SUPT3H: variants seen among roughly 807,000 people sequenced by gnomAD.
SUPT3H encodes the protein SPT3 homolog, SAGA and STAGA complex component, also known as transcription initiation protein SPT3 homolog.
Under a neutral mutation model 44.3 loss-of-function variants are expected in SUPT3H, and 44 were observed. That is an observed-to-expected ratio of 0.99 (90% CI 0.78 to 1.28). SUPT3H has a LOEUF of 1.28. SUPT3H is among the 50% of genes most tolerant of loss of function. The pLI is 0.00. For synonymous variants in SUPT3H, 124 were observed against 125.6 expected, an observed-to-expected ratio of 0.99 and a Z score of 0.09; for missense variants, 380 against 387.1, an observed-to-expected ratio of 0.98 and a Z score of 0.15.
chr6:44,886,049 G>C (rs1762226104), intron 10 of SUPT3H, among the ~76,000 whole-genome samples: 1 of 152,162 alleles, frequency 6.6e-6, no homozygotes, highest in South Asian at 2.1e-4. Flanking sequence ...AATGAAGTGA[G>C]AAGGGAAGTT....
chr6:45,216,551 CAAG>C (rs1265322504), intron 2 of SUPT3H, among the ~76,000 whole-genome samples: 1 of 152,050 alleles, frequency 6.6e-6, no homozygotes, highest in Non-Finnish European at 1.5e-5. Context: ...ACACTACCTA[CAAG>C]AAGCTCACTT....
At chr6:45,360,623 A>C (rs949456467) in intron 2 of SUPT3H, among the ~76,000 whole-genome samples, 1 of 152,200 alleles carries the variant, frequency 6.6e-6, no homozygotes, top group Non-Finnish European at 1.5e-5. Context: ...AAATGATACC[A>C]TTTCACATAT....
Position 45,027,495 on chromosome 6 carries a change from G to C in SUPT3H, c.187-6863C>G, listed in dbSNP as rs180895126. 1.3e-3 allele frequency among the ~76,000 whole-genome samples: 201 copies of C among 151,898 alleles called. 2 individuals carry two copies. The Middle Eastern group carries it at 0.024, about 18-fold the overall frequency. On this transcript the variant is annotated intron_variant, in intron 3 of 10. Transcript: ENST00000371459. Reference sequence around the variant, plus strand: ...CAGTCTCCATTGACTATTTTTTCTTGGCTTTGGGTCATGTTTTCCTGTTAT... The same window carrying C: ...CAGTCTCCATTGACTATTTTTTCTTCGCTTTGGGTCATGTTTTCCTGTTAT...
intron 2 of SUPT3H, among the ~76,000 whole-genome samples, chr6:45,177,532 A>G (rs1812199991): frequency 6.6e-6 from 1 of 152,188 alleles, no homozygotes; most frequent in South Asian, 2.1e-4. Flanking sequence ...CAATCTAGCA[A>G]GGCAGGCCAA....
intron 2 of SUPT3H, among the ~76,000 whole-genome samples, chr6:45,278,201 G>A (rs1439288476): frequency 6.6e-6 from 1 of 152,060 alleles, no homozygotes; most frequent in African/African-American, 2.4e-5. Context: ...TAGATGACGA[G>A]TTGATGGGTG....
At chr6:45,050,604 A>G (rs1790128664) in intron 3 of SUPT3H, among the ~76,000 whole-genome samples, 1 of 152,182 alleles carries the variant, frequency 6.6e-6, no homozygotes, top group African/African-American at 2.4e-5. Context: ...AGTAGAAAAT[A>G]AACCATGCCA....
intron 9 of SUPT3H, among the ~76,000 whole-genome samples, chr6:44,941,192 TTTCTC>T (rs1283212548): frequency 6.6e-6 from 1 of 152,168 alleles, no homozygotes; most frequent in Non-Finnish European, 1.5e-5. Context: ...ATTTGATTCA[TTTCTC>T]TTCCTTCTTT....
At chr6:44,940,225 C>G (rs1035914145) in intron 9 of SUPT3H, among the ~76,000 whole-genome samples, 1 of 151,982 alleles carries the variant, frequency 6.6e-6, no homozygotes, top group African/African-American at 2.4e-5. Context: ...CTGTATACCA[C>G]AGGTTTCAGT....
intron 2 of SUPT3H, among the ~76,000 whole-genome samples, chr6:45,239,616 T>C (rs529721370): frequency 1.8e-3 from 280 of 152,362 alleles, no homozygotes; most frequent in African/African-American, 6.6e-3. Flanking sequence ...TTTCTCACTT[T>C]GGGCTACATG....
At chr6:44,830,456 C>G (rs913013211) in intron 10 of SUPT3H, among the ~76,000 whole-genome samples, 2 of 152,112 alleles carry the variant, frequency 1.3e-5, no homozygotes, top group African/African-American at 4.8e-5. Context: ...CATGGATATG[C>G]ATGGTGGGAT....
rs999941882 is a variant in SUPT3H at position 44,827,322 on chromosome 6, G to A, written c.*2494C>T. On this transcript the variant is annotated 3_prime_UTR_variant, in exon 11 of 11. Transcript: ENST00000371459. ...TACAGTTTTTAAATAAATTTACATC[G>A]TTGTCTAGGATAAATATGCCATAAA... Among the ~76,000 whole-genome samples the A allele has an allele frequency of 1.6e-4, 24 of 152,088 alleles. No homozygotes were observed. Among genetic ancestry groups the A allele is most frequent in the African/African-American group, 4.1e-4 (17 of 41,494 alleles).
At chr6:45,296,185 T>TACACACACAC (rs201077641) in intron 2 of SUPT3H, among the ~76,000 whole-genome samples, 2,143 of 140,520 alleles carry the variant, frequency 0.015, 51 homozygotes, top group African/African-American at 0.048. Flanking sequence ...ATACACATAC[T>TACACACACAC]ACACACACAC....
chr6:45,038,573 G>A (rs73442973), intron 3 of SUPT3H, among the ~76,000 whole-genome samples: 1 of 152,050 alleles, frequency 6.6e-6, no homozygotes, highest in Admixed American at 6.6e-5. Context: ...TCCACTTTTG[G>A]CTTTAAAACA....
intron 2 of SUPT3H, among the ~76,000 whole-genome samples, chr6:45,116,508 C>T (rs1800864832): frequency 6.6e-6 from 1 of 152,134 alleles, no homozygotes; most frequent in Non-Finnish European, 1.5e-5. Flanking sequence ...CTATGCCTGT[C>T]CCTCTGCATC....
intron 2 of SUPT3H, among the ~76,000 whole-genome samples, chr6:45,362,069 C>A (rs990115438): frequency 1.3e-5 from 2 of 152,210 alleles, no homozygotes; most frequent in Admixed American, 1.3e-4. Context: ...ACAACAACAA[C>A]AACAACAACA....
chr6:45,158,812 G>A (rs1047193139), intron 2 of SUPT3H: 1 of 152,062 alleles, frequency 6.6e-6, no homozygotes, highest in African/African-American at 2.4e-5. Flanking sequence ...AGAATATGTA[G>A]GTAATGGGAA....
intron 3 of SUPT3H, among the ~76,000 whole-genome samples, chr6:45,073,443 A>G (rs1047695311): frequency 1.3e-5 from 2 of 152,060 alleles, no homozygotes; most frequent in African/African-American, 2.4e-5. Context: ...AAAGATAAAA[A>G]TCACAAATAA....
At chr6:45,003,579 T>G in intron 6 of SUPT3H, 74 bp downstream of exon 6, 1 of 1,502,196 alleles carries the variant, frequency 6.7e-7, no homozygotes, top group Non-Finnish European at 9.0e-7. Context: ...TTAAAGAACA[T>G]GAGAATAGGA....
intron 10 of SUPT3H, among the ~76,000 whole-genome samples, chr6:44,878,216 G>T (rs1221150199): frequency 2.6e-5 from 4 of 152,108 alleles, no homozygotes; most frequent in Admixed American, 2.6e-4. Flanking sequence ...TTGTAACAAG[G>T]TTTTATTTGA....
Sources: gnomAD v4.1 joint callset for allele counts (sites outside exome capture counted in the v4.1 genomes callset) on GRCh38, gnomAD v4.1.1 for gene constraint, MANE v1.5 for transcripts, NCBI Gene and HGNC (gene_info 2026-07-23, HGNC 2026-07-21) for gene names.